The following CSRNP3 variants were observed in gnomAD, a reference collection of about 807,000 sequenced individuals.
CSRNP3 encodes cysteine/serine-rich nuclear protein 3.
CSRNP3 carries 12 observed loss-of-function variants against 48.0 expected under a neutral mutation model. The observed-to-expected ratio is 0.25, with a 90% CI of 0.16 to 0.41. The LOEUF (loss-of-function observed/expected upper bound fraction) is 0.41. Ranked by LOEUF, CSRNP3 falls within the 10% of genes least tolerant of loss-of-function variation. The pLI is 1.00. For synonymous variants in CSRNP3, 263 were observed against 269.7 expected, an observed-to-expected ratio of 0.98 and a Z score of 0.24; for missense variants, 580 against 724.4, an observed-to-expected ratio of 0.80 and a Z score of 2.29.
chr2:165,491,962 A>AAAAAAC lies in CSRNP3; in HGVS notation c.-282-2793_-282-2788dup, dbSNP rs1266422976. Among the ~76,000 whole-genome samples the AAAAAAC allele has an allele frequency of 7.3e-5, 11 of 150,956 alleles. 1 individual carries two copies. The highest frequency in any genetic ancestry group is 5.9e-4 in the Admixed American group (9 of 15,160). On this transcript the variant is annotated intron_variant, in intron 1 of 6. Coordinates refer to ENST00000651982, the MANE Select transcript of CSRNP3 (RefSeq NM_001172173.2). ...ACTTAAAGTATAATAAAAAAAAAAA[A>AAAAAAC]AAAAACAAAGCTAGAAACCAGAGAT... is the stretch of plus-strand genomic sequence containing the variant.
chr2:165,481,408 A>C (rs1684041221), intron 1 of CSRNP3, among the ~76,000 whole-genome samples: 1 of 110,242 alleles, frequency 9.1e-6, no homozygotes. Flanking sequence ...TCTTTCCTGG[A>C]GTGTGGGGTG....
intron 2 of CSRNP3, among the ~76,000 whole-genome samples, chr2:165,516,993 A>G (rs1684590479): frequency 6.6e-6 from 1 of 152,042 alleles, no homozygotes. Context: ...TACACTAGCT[A>G]TTGTCATTGG....
intron 5 of CSRNP3, among the ~76,000 whole-genome samples, chr2:165,663,990 A>G (rs1687137806): frequency 6.6e-6 from 1 of 152,194 alleles, no homozygotes; most frequent in Non-Finnish European, 1.5e-5. Flanking sequence ...CATATGTCTT[A>G]TATGTCGATA....
At chr2:165,486,087 C>G (rs528234738) in intron 1 of CSRNP3, among the ~76,000 whole-genome samples, 1 of 151,778 alleles carries the variant, frequency 6.6e-6, no homozygotes, top group African/African-American at 2.4e-5. Context: ...AGTGGGTGCG[C>G]GCACCGTGCG....
At chr2:165,495,125 G>A (rs2105460924) in intron 2 of CSRNP3, among the ~76,000 whole-genome samples, 197 bp downstream of exon 2, 2 of 152,156 alleles carry the variant, frequency 1.3e-5, no homozygotes, top group Middle Eastern at 6.8e-3. Flanking sequence ...GAGTGAGTAT[G>A]TAGGAGGCAG....
chr2:165,613,149 G>T (rs1433263655), intron 4 of CSRNP3, among the ~76,000 whole-genome samples: 1 of 152,026 alleles, frequency 6.6e-6, no homozygotes, highest in African/African-American at 2.4e-5. Flanking sequence ...TTGTGGTTTT[G>T]ATTTGCATTT....
chr2:165,619,389 T>C (rs947120831), intron 4 of CSRNP3, among the ~76,000 whole-genome samples: 2 of 152,130 alleles, frequency 1.3e-5, no homozygotes, highest in East Asian at 3.9e-4. Context: ...TATTGACTCT[T>C]TTTGCTACCA....
intron 3 of CSRNP3, among the ~76,000 whole-genome samples, chr2:165,551,632 G>T (rs1685097202): frequency 6.6e-6 from 1 of 152,190 alleles, no homozygotes; most frequent in Non-Finnish European, 1.5e-5. Context: ...GGAGAACAAA[G>T]TTGTATTCCC....
In CSRNP3 at chr2:165,679,370, A is replaced by C. The variant is rs1397540267; in HGVS notation, c.1375A>C (p.Thr459Pro). ...CTCTGAGAACTATTCTGAAAGAGAC[A>C]CTGTCAAAAATGGTACCCTTTCGCT... The part of the protein sequence containing the change: ...QISENYSERD[T>P]VKNGTLSLVP... Residue 459 changes from threonine (T) to proline (P), a missense_variant, in exon 7 of 7, where the codon ACT (threonine) becomes CCT (proline). This residue lies in a region of CSRNP3 where 369 missense variants were observed against 380.8 expected (regional missense o/e 0.97). Coordinates refer to ENST00000651982, the MANE Select transcript of CSRNP3 (RefSeq NM_001172173.2). 3 of 1,613,572 alleles carry C rather than the reference A, an allele frequency of 1.9e-6. No homozygotes were observed. Among genetic ancestry groups the C allele is most frequent in the Non-Finnish European group, 2.5e-6 (3 of 1,179,880 alleles).
chr2:165,637,777 T>A (rs1360144456), intron 4 of CSRNP3, among the ~76,000 whole-genome samples: 1 of 152,208 alleles, frequency 6.6e-6, no homozygotes, highest in Non-Finnish European at 1.5e-5. Context: ...GAATTTACAG[T>A]CTTTGTAAAT....
chr2:165,552,404 T>C (rs1321307447), intron 3 of CSRNP3, among the ~76,000 whole-genome samples: 6 of 152,166 alleles, frequency 3.9e-5, no homozygotes, highest in Admixed American at 3.9e-4. Context: ...AGACAATCAG[T>C]ATAGGGTGAG....
At chr2:165,534,952 T>C (rs948744546) in intron 3 of CSRNP3, among the ~76,000 whole-genome samples, 2 of 151,760 alleles carry the variant, frequency 1.3e-5, no homozygotes, top group African/African-American at 2.4e-5. Context: ...AAAGTGTAAA[T>C]GCAGATGTTT....
At chr2:165,511,348 G>T (rs1466988029) in intron 2 of CSRNP3, among the ~76,000 whole-genome samples, 3 of 152,146 alleles carry the variant, frequency 2.0e-5, no homozygotes, top group Non-Finnish European at 2.9e-5. Flanking sequence ...ACGATTTTAA[G>T]ATGGGAGATA....
intron 3 of CSRNP3, among the ~76,000 whole-genome samples, chr2:165,531,707 T>G (rs1308983314): frequency 6.6e-6 from 1 of 151,966 alleles, no homozygotes; most frequent in Non-Finnish European, 1.5e-5. Context: ...ATAACTAAGA[T>G]CAGAGCATAA....
chr2:165,650,256 AG>A (rs1424366875), intron 4 of CSRNP3, among the ~76,000 whole-genome samples: 2 of 152,222 alleles, frequency 1.3e-5, no homozygotes, highest in African/African-American at 4.8e-5. Context: ...GGAATAAAAA[AG>A]GACAATTAGA....
chr2:165,624,524 G>C (rs1468627700), intron 4 of CSRNP3, among the ~76,000 whole-genome samples: 1 of 152,038 alleles, frequency 6.6e-6, no homozygotes, highest in Non-Finnish European at 1.5e-5. Flanking sequence ...AGGTACCCTG[G>C]TACCTACACA....
chr2:165,668,784 C>G (rs756292531), intron 5 of CSRNP3, among the ~76,000 whole-genome samples: 1 of 152,118 alleles, frequency 6.6e-6, no homozygotes, highest in Non-Finnish European at 1.5e-5. Context: ...GAGATCAGCT[C>G]TTAGAGTGTA....
intron 5 of CSRNP3, among the ~76,000 whole-genome samples, chr2:165,674,894 A>G (rs116822882): frequency 0.015 from 2,226 of 151,214 alleles, 19 homozygotes; most frequent in Non-Finnish European, 0.026. Flanking sequence ...TGAATTTTTG[A>G]TAGAGATGGG....
chr2:165,664,434 T>C (rs1471076645), intron 5 of CSRNP3, among the ~76,000 whole-genome samples: 1 of 152,234 alleles, frequency 6.6e-6, no homozygotes, highest in Non-Finnish European at 1.5e-5. Context: ...AGCAACCTGC[T>C]GCCATGTGAC....
Sources: allele counts gnomAD v4.1 joint callset (sites outside exome capture counted in the v4.1 genomes callset), GRCh38; gene constraint gnomAD v4.1.1; regional missense constraint gnomAD v4.1.1; transcripts MANE v1.5; gene names NCBI Gene and HGNC (gene_info 2026-07-23, HGNC 2026-07-21).